WWOX: variants seen among roughly 807,000 people sequenced by gnomAD.
WWOX encodes the protein WW domain containing oxidoreductase.
WWOX carries 69 observed loss-of-function variants against 46.2 expected under a neutral mutation model. The ratio of observed to expected loss-of-function variants is 1.49; its 90% CI spans 1.23 to 1.82. The LOEUF (loss-of-function observed/expected upper bound fraction) is 1.82, where lower values mean the gene tolerates loss of function less well. Among genes scored for constraint, WWOX ranks in the 40% most tolerant of loss-of-function variants. The pLI, the probability that WWOX is intolerant of heterozygous loss-of-function variation, is 0.00. For missense variants in WWOX, 919 were observed against 542.6 expected (o/e 1.69, Z -6.89); for synonymous variants, 359 against 202.6 (o/e 1.77, Z -6.56).
rs1056188668 is a variant in WWOX at position 78,341,347 on chromosome 16, G to T, written c.517-45513G>T. 5.0e-5 allele frequency among the ~76,000 whole-genome samples: 6 copies of T among 120,396 alleles called. 2 individuals carry two copies. The highest frequency in any genetic ancestry group is 1.2e-4 in the Non-Finnish European group (6 of 50,526). The allele number at this position is 120,396 out of a possible 152,430, so 79.0% of individuals were successfully genotyped here. A position where few individuals can be genotyped will look rare whatever the true frequency, so the allele number is the denominator to read the frequency against. The stretch of plus-strand genomic sequence containing the variant: ...TATTGAATAATCTTTGATTTGTATT[G>T]TCATGTTGTTTTATAGCAGTTACTG... On this transcript the variant is annotated intron_variant, in intron 5 of 8. Coordinates refer to ENST00000566780, the MANE Select transcript of WWOX (RefSeq NM_016373.4).
chr16:78,917,230 C>T (rs1042541731), intron 8 of WWOX, among the ~76,000 whole-genome samples: 1 of 152,230 alleles, frequency 6.6e-6, no homozygotes, highest in African/African-American at 2.4e-5. Flanking sequence ...GCTGTTACTG[C>T]AGACCTCCCA....
chr16:79,212,355 C>T lies in WWOX; in HGVS notation c.*559C>T, dbSNP rs2051794230. 10 of 593,782 alleles carry T rather than the reference C, an allele frequency of 1.7e-5. No individual in the cohort carries two copies. Among genetic ancestry groups the T allele is most frequent in the Non-Finnish European group, 2.8e-5 (10 of 355,134 alleles). 36.8% of individuals were successfully genotyped at this position (593,782 alleles called of 1,614,324 possible). On this transcript the variant is annotated 3_prime_UTR_variant, in exon 9 of 9. Coordinates refer to ENST00000566780, the MANE Select transcript of WWOX (RefSeq NM_016373.4). ...CAGCCAGTGAGGATGACAGTGACAC[C>T]CAGAGGGAGTAGAATACGCAGAACT...
intron 8 of WWOX, among the ~76,000 whole-genome samples, chr16:78,765,660 CAG>C (rs769876453): frequency 2.0e-4 from 30 of 151,992 alleles, no homozygotes; most frequent in African/African-American, 1.9e-4. Flanking sequence ...GCTTGGGAAA[CAG>C]AGTGAGACTC....
chr16:78,733,935 C>T (rs545807885), intron 8 of WWOX, among the ~76,000 whole-genome samples: 4 of 151,918 alleles, frequency 2.6e-5, no homozygotes, highest in African/African-American at 9.7e-5. Context: ...AGAGGCACAC[C>T]TGTGGTCCCA....
intron 8 of WWOX, among the ~76,000 whole-genome samples, chr16:79,013,751 C>T (rs1289024233): frequency 6.6e-6 from 1 of 152,236 alleles, no homozygotes; most frequent in African/African-American, 2.4e-5. Context: ...ATTGCAGGTT[C>T]ATTTGTTACT....
chr16:78,608,677 C>A (rs1460304504), intron 8 of WWOX, among the ~76,000 whole-genome samples: 4 of 152,178 alleles, frequency 2.6e-5, no homozygotes, highest in African/African-American at 9.7e-5. Context: ...CCCTTGGTTT[C>A]AAAGGGAACA....
intron 5 of WWOX, among the ~76,000 whole-genome samples, chr16:78,171,018 G>T (rs946834212): frequency 6.6e-6 from 1 of 152,216 alleles, no homozygotes; most frequent in African/African-American, 2.4e-5. Flanking sequence ...GATAGGGATA[G>T]TACTGACAGC....
intron 8 of WWOX, among the ~76,000 whole-genome samples, chr16:78,695,635 G>C (rs921923208): frequency 2.6e-5 from 4 of 152,114 alleles, no homozygotes; most frequent in African/African-American, 9.7e-5. Context: ...AAGCAGCCAA[G>C]GTCACAGCTG....
At chr16:78,391,037 G>A (rs904145859) in intron 6 of WWOX, among the ~76,000 whole-genome samples, 2 of 152,206 alleles carry the variant, frequency 1.3e-5, no homozygotes, top group African/African-American at 2.4e-5. Context: ...AGCATATTGT[G>A]TAGTCTTAGA....
chr16:78,394,319 C>G (rs766469621), intron 6 of WWOX, among the ~76,000 whole-genome samples: 68 of 152,262 alleles, frequency 4.5e-4, no homozygotes, highest in Non-Finnish European at 7.6e-4. Context: ...AATGAATGCT[C>G]TAAATCTAGC....
intron 8 of WWOX, among the ~76,000 whole-genome samples, chr16:78,887,075 GTGGT>G (rs2044475273): frequency 4.8e-5 from 1 of 20,896 alleles, no homozygotes; most frequent in African/African-American, 7.3e-5. Context: ...GTGTGTGTGT[GTGGT>G]GTGTGTGTGT....
At chr16:78,172,258 A>G (rs1005461129) in intron 5 of WWOX, among the ~76,000 whole-genome samples, 4 of 152,230 alleles carry the variant, frequency 2.6e-5, no homozygotes, top group East Asian at 3.9e-4. Flanking sequence ...GTTGATGAAC[A>G]TGGGCCAAGG....
At chr16:78,634,009 C>T (rs1330301030) in intron 8 of WWOX, among the ~76,000 whole-genome samples, 1 of 151,976 alleles carries the variant, frequency 6.6e-6, no homozygotes, top group Non-Finnish European at 1.5e-5. Flanking sequence ...AAGAGGCAAC[C>T]CTCGAGCCAA....
At chr16:78,382,888 A>C (rs1473416772) in intron 5 of WWOX, among the ~76,000 whole-genome samples, 1 of 151,714 alleles carries the variant, frequency 6.6e-6, no homozygotes, top group Non-Finnish European at 1.5e-5. Flanking sequence ...AGACTGTGTA[A>C]TTTATAAAGA....
chr16:78,763,431 C>T (rs186606378), intron 8 of WWOX, among the ~76,000 whole-genome samples: 20 of 152,328 alleles, frequency 1.3e-4, no homozygotes, highest in African/African-American at 4.8e-4. Context: ...GTCACATCTT[C>T]TGACCTCAAG....
chr16:78,261,229 C>T lies in WWOX; in HGVS notation c.516+96940C>T, dbSNP rs148153328. ...TATGTGTGTTCATTCTAGTCCTGCA[C>T]GTGTAGAAATGTAAGATTTTAATGT... On this transcript the variant is annotated intron_variant, in intron 5 of 8. Transcript: ENST00000566780. 3.4e-3 allele frequency among the ~76,000 whole-genome samples: 511 copies of T among 149,786 alleles called. 13 individuals are homozygous for T. The highest frequency in any genetic ancestry group is 6.4e-3 in the Admixed American group (96 of 15,074).
chr16:79,066,339 T>C (rs375915674), intron 8 of WWOX, among the ~76,000 whole-genome samples: 1 of 152,202 alleles, frequency 6.6e-6, no homozygotes, highest in African/African-American at 2.4e-5. Flanking sequence ...TACTTGTTTA[T>C]TATCTGTGTC....
intron 8 of WWOX, among the ~76,000 whole-genome samples, chr16:78,828,805 G>T (rs2051732484): frequency 6.6e-6 from 1 of 152,176 alleles, no homozygotes; most frequent in African/African-American, 2.4e-5. Flanking sequence ...GCCTCAGCTG[G>T]ATTGGAAACT....
chr16:78,239,372 T>C (rs1240025491), intron 5 of WWOX, among the ~76,000 whole-genome samples: 1 of 152,106 alleles, frequency 6.6e-6, no homozygotes, highest in Non-Finnish European at 1.5e-5. Context: ...AGGAAGAGCC[T>C]CATTCATGCT....
Sources: allele counts gnomAD v4.1 joint callset (sites outside exome capture counted in the v4.1 genomes callset), GRCh38; gene constraint gnomAD v4.1.1; transcripts MANE v1.5; gene names NCBI Gene and HGNC (gene_info 2026-07-23, HGNC 2026-07-21).